Variants in CPPED1 observed in about 807,000 individuals in gnomAD.
CPPED1 encodes the protein serine/threonine-protein phosphatase CPPED1.
A neutral mutation model predicts 28.0 loss-of-function variants in CPPED1; 28 were observed. The observed-to-expected ratio is 1.00, with a 90% CI of 0.74 to 1.37. The LOEUF is 1.37. Among genes scored for constraint, CPPED1 ranks in the 40% most tolerant of loss-of-function variants. CPPED1 has a pLI of 0.00. For missense variants in CPPED1, 504 were observed against 416.5 expected, an observed-to-expected ratio of 1.21 and a Z score of -1.83; for synonymous variants, 198 against 180.2, an observed-to-expected ratio of 1.10 and a Z score of -0.79.
intron 3 of CPPED1, among the ~76,000 whole-genome samples, chr16:12,665,733 G>A (rs534402422): frequency 5.8e-4 from 88 of 152,298 alleles, no homozygotes; most frequent in African/African-American, 1.9e-3. Flanking sequence ...TTTGAGACCA[G>A]CGTGGCCAAT....
rs2079909344 is a variant in CPPED1, at chr16:12,682,301, G to A, written c.716-17186C>T. On this transcript the variant is annotated intron_variant, in intron 3 of 3. Coordinates refer to ENST00000381774, the MANE Select transcript of CPPED1 (RefSeq NM_018340.3). This position sits in a 1 kb window ranked among gnomAD's most constrained non-coding sequence, Gnocchi z 6.1. ...CGACCCACTTTGGTCTCCCAAAAGT[G>A]CTGAGATTACAGACACGAGCCACCG... 6.6e-6 allele frequency among the ~76,000 whole-genome samples: 1 copy of A among 152,120 alleles called. No individual in the cohort carries two copies. The highest frequency in any genetic ancestry group is 1.5e-5 in the Non-Finnish European group (1 of 68,026).
intron 1 of CPPED1, among the ~76,000 whole-genome samples, chr16:12,798,425 A>G (rs977555432): frequency 4.6e-5 from 7 of 152,242 alleles, no homozygotes; most frequent in Non-Finnish European, 8.8e-5. Flanking sequence ...AACTTTGTTC[A>G]AACTTGGAGA....
chr16:12,697,730 T>C (rs927723426), intron 3 of CPPED1, among the ~76,000 whole-genome samples: 2 of 152,160 alleles, frequency 1.3e-5, no homozygotes, highest in African/African-American at 2.4e-5. Flanking sequence ...ACAGAGACCA[T>C]AGAGCCACAA....
intron 3 of CPPED1, among the ~76,000 whole-genome samples, chr16:12,676,902 C>A (rs745394354): frequency 1.3e-5 from 2 of 152,094 alleles, no homozygotes; most frequent in Non-Finnish European, 2.9e-5. Flanking sequence ...TTTTATTATA[C>A]GATTTAGAGA....
Position 12,704,704 on chromosome 16 carries a change from C to A in CPPED1, c.635G>T (p.Ser212Ile). The change falls in exon 3 of 4, where the codon AGC (serine) becomes ATC (isoleucine). Residue 212 changes from serine (S) to isoleucine (I), a missense_variant. By Grantham distance (142) the Ser-to-Ile change is moderately radical (BLOSUM62 -2). Transcript: ENST00000381774. The stretch of plus-strand genomic sequence containing the variant: ...GTAGTAGTCGTCGTCCTCGTCGATG[C>A]TCTCCAGGAACAGCGGGATGTGCTG... ...VFQHIPLFLESIDEDDDYYFN... is the reference protein window; with the variant it reads ...VFQHIPLFLEIIDEDDDYYFN... The A allele has an allele frequency of 6.2e-7, 1 of 1,614,250 alleles. No homozygotes were observed. Among genetic ancestry groups the A allele is most frequent in the East Asian group, 2.2e-5 (1 of 44,884 alleles).
chr16:12,771,046 T>C (rs1162547915), intron 2 of CPPED1, among the ~76,000 whole-genome samples: 1 of 152,146 alleles, frequency 6.6e-6, no homozygotes, highest in East Asian at 1.9e-4. Context: ...ATATTACTTG[T>C]AGAATTTAAA....
Position 12,759,047 on chromosome 16 carries a change from C to T in CPPED1, c.289+22138G>A, listed in dbSNP as rs148928886. 4.1e-3 allele frequency among the ~76,000 whole-genome samples: 613 copies of T among 151,146 alleles called. 6 individuals are homozygous for T. The highest frequency in any genetic ancestry group is 0.021 in the Middle Eastern group (6 of 292). ...ACATGGTGGCATGTATCTGCAGTCCCAGCTACTCAGGGGGCTAGGGTAGCA... is the reference window on the plus strand; with the variant it reads ...ACATGGTGGCATGTATCTGCAGTCCTAGCTACTCAGGGGGCTAGGGTAGCA... On this transcript the variant is annotated intron_variant, in intron 2 of 3. Coordinates refer to ENST00000381774, the MANE Select transcript of CPPED1 (RefSeq NM_018340.3).
At chr16:12,677,884 C>T (rs563220440) in intron 3 of CPPED1, among the ~76,000 whole-genome samples, 2 of 152,302 alleles carry the variant, frequency 1.3e-5, no homozygotes, top group East Asian at 1.9e-4. Context: ...TAAATATTTT[C>T]GCCTTTGTGG....
At position 12,688,873 on chromosome 16, in the gene CPPED1, A is replaced by T. The variant is rs529637082; in HGVS notation, c.715+15751T>A. Among the ~76,000 whole-genome samples, 3 of 152,364 alleles carry T rather than the reference A, an allele frequency of 2.0e-5. No individual in the cohort carries two copies. In the East Asian group the frequency reaches 5.8e-4, roughly 29 times the overall value. On this transcript the variant is annotated intron_variant, in intron 3 of 3. Coordinates refer to ENST00000381774, the MANE Select transcript of CPPED1 (RefSeq NM_018340.3). ...CCCAATGTCAAGAGCTCCAGTCAGA[A>T]TGCTACATGTCTTCAGCAAAACACG...
chr16:12,675,465 A>AT (rs1221981092), intron 3 of CPPED1, among the ~76,000 whole-genome samples: 1 of 152,194 alleles, frequency 6.6e-6, no homozygotes, highest in Admixed American at 6.5e-5. Flanking sequence ...TATAAAAGCT[A>AT]TTTTTAAGCT....
intron 2 of CPPED1, among the ~76,000 whole-genome samples, chr16:12,777,337 G>T (rs1452256050): frequency 6.6e-6 from 1 of 152,178 alleles, no homozygotes; most frequent in African/African-American, 2.4e-5. Flanking sequence ...GTATCATCAT[G>T]TTCTGATTTG....
intron 2 of CPPED1, among the ~76,000 whole-genome samples, chr16:12,717,815 T>A (rs940427271): frequency 6.6e-6 from 1 of 152,146 alleles, no homozygotes; most frequent in Non-Finnish European, 1.5e-5. Context: ...CTAATTTTTG[T>A]ACTTTTAGTA....
chr16:12,673,682 C>T (rs1378552443), intron 3 of CPPED1, among the ~76,000 whole-genome samples: 3 of 152,120 alleles, frequency 2.0e-5, no homozygotes, highest in Admixed American at 6.5e-5. Context: ...TTATTGTTAA[C>T]GTCCGAAGTC....
chr16:12,784,567 A>C (rs575040965), intron 1 of CPPED1, among the ~76,000 whole-genome samples: 60 of 152,084 alleles, frequency 3.9e-4, no homozygotes, highest in Non-Finnish European at 6.2e-4. Context: ...AAAAAAAAAA[A>C]AACTGAGACT....
At chr16:12,767,912 G>A (rs1323896071) in intron 2 of CPPED1, among the ~76,000 whole-genome samples, 3 of 152,072 alleles carry the variant, frequency 2.0e-5, no homozygotes, top group Non-Finnish European at 2.9e-5. Flanking sequence ...CAGAGATCGC[G>A]CCACTGCACT....
chr16:12,736,078 C>G (rs1255563184), intron 2 of CPPED1, among the ~76,000 whole-genome samples: 1 of 152,122 alleles, frequency 6.6e-6, no homozygotes, highest in Non-Finnish European at 1.5e-5. Flanking sequence ...CTTCTGTATT[C>G]TGTTCTGACT....
chr16:12,784,139 C>G (rs1420372455), intron 1 of CPPED1, among the ~76,000 whole-genome samples: 1 of 152,240 alleles, frequency 6.6e-6, no homozygotes, highest in Non-Finnish European at 1.5e-5. Flanking sequence ...TTCTCTTTCT[C>G]AGAGCCCTTG....
At chr16:12,667,920 C>G (rs528952882) in intron 3 of CPPED1, among the ~76,000 whole-genome samples, 2 of 152,262 alleles carry the variant, frequency 1.3e-5, no homozygotes, top group African/African-American at 4.8e-5. Context: ...TTAATTCCTA[C>G]TGACATATGG....
Position 12,670,936 on chromosome 16 carries a change from C to T in CPPED1, c.716-5821G>A, listed in dbSNP as rs569497788. 2.6e-5 allele frequency among the ~76,000 whole-genome samples: 4 copies of T among 152,108 alleles called. No homozygotes were observed. The highest frequency in any genetic ancestry group is 4.1e-4 in the South Asian group (2 of 4,824). On this transcript the variant is annotated intron_variant, in intron 3 of 3. Coordinates refer to ENST00000381774, the MANE Select transcript of CPPED1 (RefSeq NM_018340.3). This position sits in a 1 kb window ranked among gnomAD's most constrained non-coding sequence, Gnocchi z 4.2. The stretch of plus-strand genomic sequence containing the variant: ...TGCGATCTCGGCTCACTGCAAACTC[C>T]GCCTCCCGGGTTCAAGTGATTCTCC...
Sources: gnomAD v4.1 joint callset for allele counts (sites outside exome capture counted in the v4.1 genomes callset) on GRCh38, gnomAD v4.1.1 for gene constraint, Gnocchi (gnomAD v3.1) non-coding constraint, MANE v1.5 for transcripts, NCBI Gene and HGNC (gene_info 2026-07-23, HGNC 2026-07-21) for gene names.